EXOC6B: variants seen among roughly 807,000 people sequenced by gnomAD.
EXOC6B encodes the protein exocyst complex component 6B.
A neutral mutation model predicts 113.5 loss-of-function variants in EXOC6B; 54 were observed. That is an observed-to-expected ratio of 0.48 (90% CI 0.38 to 0.60). The LOEUF (loss-of-function observed/expected upper bound fraction) is 0.60. EXOC6B is among the 20% of genes least tolerant of loss of function. The pLI is 0.00. For synonymous variants in EXOC6B, 357 were observed against 339.0 expected, an observed-to-expected ratio of 1.05 and a Z score of -0.58; for missense variants, 797 against 977.5, an observed-to-expected ratio of 0.82 and a Z score of 2.46.
rs559482361 is a variant in EXOC6B at position 72,541,263 on chromosome 2, T to C, written c.915+18190A>G. 3.3e-5 allele frequency among the ~76,000 whole-genome samples: 5 copies of C among 152,368 alleles called. 1 individual carries two copies. The highest frequency in any genetic ancestry group is 7.2e-5 in the African/African-American group (3 of 41,594). The stretch of plus-strand genomic sequence containing the variant: ...TGATTCTGAGGCTTCCCCGGACATA[T>C]GGAACTGTTAAGTCCAATTAAACTT... On this transcript the variant is annotated intron_variant, in intron 8 of 21. Transcript: ENST00000272427.
intron 18 of EXOC6B, among the ~76,000 whole-genome samples, chr2:72,452,586 T>C (rs1696983553): frequency 6.6e-6 from 1 of 151,996 alleles, no homozygotes; most frequent in Non-Finnish European, 1.5e-5. Context: ...AGGGAAAGAT[T>C]TGAAAGTGAG....
intron 18 of EXOC6B, among the ~76,000 whole-genome samples, chr2:72,431,878 A>G (rs1695554924): frequency 6.6e-6 from 1 of 151,946 alleles, no homozygotes; most frequent in Non-Finnish European, 1.5e-5. Context: ...ACTCCCACTT[A>G]TGAGTGAGAA....
rs1295938402 is a variant in EXOC6B, at chr2:72,552,372, T to A, written c.915+7081A>T. Among the ~76,000 whole-genome samples the A allele has an allele frequency of 3.3e-5, 5 of 152,154 alleles. No individual in the cohort carries two copies. The East Asian group carries it at 9.6e-4, about 29-fold the overall frequency. ...ATAATGAAGCACAGAAACAAAATGT[T>A]AAGGAAGAAAGGAGTCAGTGTGTGG... is the stretch of plus-strand genomic sequence containing the variant. On this transcript the variant is annotated intron_variant, in intron 8 of 21. Coordinates refer to ENST00000272427, the MANE Select transcript of EXOC6B (RefSeq NM_015189.3).
At chr2:72,553,672 G>A (rs1033020655) in intron 8 of EXOC6B, among the ~76,000 whole-genome samples, 1 of 152,010 alleles carries the variant, frequency 6.6e-6, no homozygotes, top group Non-Finnish European at 1.5e-5. Context: ...AGATGGAATT[G>A]ATAAAACTGA....
rs1393547239 is a variant in EXOC6B at position 72,731,055 on chromosome 2, T to TAA, written c.419-5_419-4dup. 5.8e-6 allele frequency: 9 copies of TAA among 1,552,508 alleles called. No homozygotes were observed. The highest frequency in any genetic ancestry group is 7.8e-6 in the Non-Finnish European group (9 of 1,149,376). ...CAGTTTGCTGTACATCTCTAGGACT[T>TAA]AAAAGAAAGAAAAGAATACACAAAC... On this transcript the variant is annotated splice_polypyrimidine_tract_variant and splice_region_variant and intron_variant, in intron 4 of 21. Transcript: ENST00000272427.
intron 2 of EXOC6B, among the ~76,000 whole-genome samples, chr2:72,739,130 C>T (rs1253969156): frequency 6.6e-6 from 1 of 152,172 alleles, no homozygotes; most frequent in Non-Finnish European, 1.5e-5. Flanking sequence ...CAAATAGATG[C>T]ACCACAATTT....
At chr2:72,587,003 G>C (rs562736977) in intron 6 of EXOC6B, among the ~76,000 whole-genome samples, 9 of 152,142 alleles carry the variant, frequency 5.9e-5, no homozygotes, top group Non-Finnish European at 1.0e-4. Flanking sequence ...AAGCAGTTTG[G>C]AGATTTCTCA....
chr2:72,237,977 G>A (rs1222554455), intron 20 of EXOC6B, among the ~76,000 whole-genome samples: 1 of 151,926 alleles, frequency 6.6e-6, no homozygotes, highest in African/African-American at 2.4e-5. Flanking sequence ...TTGTCTTTAG[G>A]ATAATTACAG....
chr2:72,415,779 T>C (rs564583802), intron 18 of EXOC6B, among the ~76,000 whole-genome samples: 3 of 152,298 alleles, frequency 2.0e-5, no homozygotes, highest in South Asian at 2.1e-4. Flanking sequence ...ACATAGTATA[T>C]ATAGTATATA....
intron 20 of EXOC6B, among the ~76,000 whole-genome samples, chr2:72,249,727 C>G (rs913443303): frequency 6.6e-6 from 1 of 152,072 alleles, no homozygotes; most frequent in Non-Finnish European, 1.5e-5. Context: ...TTATTTGCTT[C>G]TTATGATCAT....
intron 1 of EXOC6B, among the ~76,000 whole-genome samples, chr2:72,810,377 AAATAAAT>A (rs1456501515): frequency 5.3e-5 from 8 of 149,710 alleles, no homozygotes; most frequent in African/African-American, 1.9e-4. Flanking sequence ...ATAAATAAAT[AAATAAAT>A]AAAATACAGT....
chr2:72,811,146 C>G (rs1685896894), intron 1 of EXOC6B, among the ~76,000 whole-genome samples: 1 of 151,988 alleles, frequency 6.6e-6, no homozygotes, highest in Non-Finnish European at 1.5e-5. Flanking sequence ...CAGCCCGTCT[C>G]TACTAAAAAT....
chr2:72,380,193 T>C (rs1691600048), intron 18 of EXOC6B, among the ~76,000 whole-genome samples: 1 of 152,106 alleles, frequency 6.6e-6, no homozygotes, highest in Non-Finnish European at 1.5e-5. Context: ...GAAACAATAT[T>C]CTACAATATT....
At chr2:72,448,800 A>G (rs1696739453) in intron 18 of EXOC6B, among the ~76,000 whole-genome samples, 1 of 152,238 alleles carries the variant, frequency 6.6e-6, no homozygotes, top group Admixed American at 6.5e-5. Flanking sequence ...TCAAACAACT[A>G]GACAGGAAAC....
intron 16 of EXOC6B, among the ~76,000 whole-genome samples, chr2:72,490,634 A>T (rs1699688295): frequency 6.6e-6 from 1 of 152,206 alleles, no homozygotes; most frequent in African/African-American, 2.4e-5. Flanking sequence ...TTCATATGCA[A>T]AGATACTGAA....
At chr2:72,667,815 G>A (rs1367498955) in intron 6 of EXOC6B, among the ~76,000 whole-genome samples, 1 of 152,080 alleles carries the variant, frequency 6.6e-6, no homozygotes, top group Admixed American at 6.5e-5. Flanking sequence ...TGACCTTGGC[G>A]AAGAATTTAT....
At chr2:72,443,824 G>A (rs188154073) in intron 18 of EXOC6B, among the ~76,000 whole-genome samples, 4 of 152,178 alleles carry the variant, frequency 2.6e-5, no homozygotes, top group East Asian at 1.9e-4. Flanking sequence ...TCCCTCCCAC[G>A]ACATGTGGGA....
intron 1 of EXOC6B, among the ~76,000 whole-genome samples, chr2:72,804,473 C>T (rs1685466603): frequency 1.3e-5 from 2 of 152,122 alleles, no homozygotes; most frequent in Admixed American, 1.3e-4. Flanking sequence ...TGAACGGAAC[C>T]TAATGGTGCA....
chr2:72,479,146 G>A (rs1698926668), intron 17 of EXOC6B, among the ~76,000 whole-genome samples: 1 of 152,052 alleles, frequency 6.6e-6, no homozygotes, highest in African/African-American at 2.4e-5. Context: ...AGTAAGTCAT[G>A]ATATGAACAT....
Sources: gnomAD v4.1 joint callset for allele counts (sites outside exome capture counted in the v4.1 genomes callset) on GRCh38, gnomAD v4.1.1 for gene constraint, MANE v1.5 for transcripts, NCBI Gene and HGNC (gene_info 2026-07-23, HGNC 2026-07-21) for gene names.